Variants in CPNE4 observed in about 807,000 individuals in gnomAD.
CPNE4 encodes the protein copine-4.
In CPNE4, 25 loss-of-function variants were observed where a neutral mutation model predicts 67.9. The ratio of observed to expected loss-of-function variants is 0.37; its 90% CI spans 0.27 to 0.51. The LOEUF is 0.51. Among genes scored for constraint, CPNE4 ranks in the 20% least tolerant of loss-of-function variants. CPNE4 has a pLI of 0.93. For missense variants in CPNE4, 464 were observed against 690.8 expected (o/e 0.67, Z 3.68); for synonymous variants, 242 against 244.9 (o/e 0.99, Z 0.11).
At chr3:131,615,903 A>G (rs1385253951) in intron 7 of CPNE4, among the ~76,000 whole-genome samples, 1 of 98,474 alleles carries the variant, frequency 1.0e-5, no homozygotes, top group Admixed American at 8.7e-5. Context: ...ACACACACAC[A>G]CACACACACA....
chr3:131,834,757 T>G (rs2085493658), intron 2 of CPNE4, among the ~76,000 whole-genome samples: 1 of 151,898 alleles, frequency 6.6e-6, no homozygotes, highest in South Asian at 2.1e-4. Context: ...TTATGCAAAA[T>G]AATGAAAACA....
intron 7 of CPNE4, among the ~76,000 whole-genome samples, chr3:131,627,352 T>C (rs550733686): frequency 2.0e-5 from 3 of 152,170 alleles, no homozygotes; most frequent in African/African-American, 7.2e-5. Context: ...GTGAGACCCA[T>C]TGCTCAGAAG....
At chr3:131,829,027 G>A (rs544035214) in intron 2 of CPNE4, among the ~76,000 whole-genome samples, 80 of 152,276 alleles carry the variant, frequency 5.3e-4, no homozygotes, top group Admixed American at 3.1e-3. Flanking sequence ...CCGCACAATC[G>A]TGATGGAAGG....
At chr3:131,698,077 C>CA (rs929580165) in intron 4 of CPNE4, among the ~76,000 whole-genome samples, 14 of 150,270 alleles carry the variant, frequency 9.3e-5, no homozygotes, top group African/African-American at 2.2e-4. Context: ...TAAAAAAATA[C>CA]AAAAAAAATT....
At position 131,876,641 on chromosome 3, in the gene CPNE4, CA is replaced by C. The variant is rs61625119; in HGVS notation, c.180+28622del. ...TGGGCGACAGAGCAAGACTCCGTCT[CA>C]AAAAAAAAAAAAAAGAAAGAAAGAA... On this transcript the variant is annotated intron_variant, in intron 2 of 15. Transcript: ENST00000429747. Among the ~76,000 whole-genome samples, 276 of 101,602 alleles carry C rather than the reference CA, an allele frequency of 2.7e-3. 6 individuals are homozygous for C. The highest frequency in any genetic ancestry group is 8.1e-3 in the African/African-American group (193 of 23,802). 66.7% of individuals were successfully genotyped at this position (101,602 alleles called of 152,430 possible).
Position 131,564,162 on chromosome 3 carries a change from C to T in CPNE4, c.1061+54G>A, listed in dbSNP as rs200554751. ...TTTCTGCCCAGGATCAGCCAAAGACCGTCTGAACCCACATGAGAGATGATA... is the reference window on the plus strand; with the variant it reads ...TTTCTGCCCAGGATCAGCCAAAGACTGTCTGAACCCACATGAGAGATGATA... On this transcript the variant is annotated intron_variant, in intron 11 of 15. Transcript: ENST00000429747. 3.7e-4 allele frequency: 594 copies of T among 1,605,730 alleles called. 1 individual carries two copies. Among genetic ancestry groups the T allele is most frequent in the Non-Finnish European group, 4.7e-4 (550 of 1,173,100 alleles).
intron 9 of CPNE4, 34 bp downstream of exon 9, chr3:131,581,545 T>C (rs1582839187): frequency 1.4e-6 from 2 of 1,437,044 alleles, no homozygotes; most frequent in East Asian, 4.5e-5. Flanking sequence ...TAGCCCTAGC[T>C]TCATACTCCT....
In CPNE4 at chr3:131,757,341, T is replaced by C. The variant is rs563235208; in HGVS notation, c.181-33716A>G. Among the ~76,000 whole-genome samples, 3 of 152,304 alleles carry C rather than the reference T, an allele frequency of 2.0e-5. 1 individual carries two copies. The South Asian group carries it at 6.2e-4, about 32-fold the overall frequency. On this transcript the variant is annotated intron_variant, in intron 2 of 15. Transcript: ENST00000429747. ...TCTCAGATGGAGATGAGGAACTTGT[T>C]GGGAACTGGAACAAACGTGACTTTT... is the stretch of plus-strand genomic sequence containing the variant.
chr3:131,885,582 G>A (rs1190483718), intron 2 of CPNE4, among the ~76,000 whole-genome samples: 3 of 151,230 alleles, frequency 2.0e-5, no homozygotes, highest in Non-Finnish European at 2.9e-5. Context: ...GGGTACATGT[G>A]CACATTGTGC....
intron 7 of CPNE4, among the ~76,000 whole-genome samples, chr3:131,652,649 T>C (rs1394622954): frequency 1.3e-5 from 2 of 152,188 alleles, no homozygotes; most frequent in Non-Finnish European, 2.9e-5. Flanking sequence ...TATACTGTTA[T>C]TAGATTGGTG....
chr3:131,686,972 T>C (rs1052551803), intron 5 of CPNE4, among the ~76,000 whole-genome samples: 3 of 152,148 alleles, frequency 2.0e-5, no homozygotes, highest in East Asian at 3.8e-4. Flanking sequence ...TTAGTAGCTA[T>C]TTTTTTAAAC....
At chr3:131,930,137 G>C (rs995342190) in intron 1 of CPNE4, among the ~76,000 whole-genome samples, 39 of 152,284 alleles carry the variant, frequency 2.6e-4, no homozygotes, top group African/African-American at 8.2e-4. Context: ...AGAGGTAGTG[G>C]AAAGTGCCTT....
intron 2 of CPNE4, among the ~76,000 whole-genome samples, chr3:131,890,029 C>A (rs2088044561): frequency 6.6e-6 from 1 of 151,966 alleles, no homozygotes; most frequent in Admixed American, 6.6e-5. Context: ...TTGATTTGTG[C>A]AATGTTTTTT....
At chr3:131,727,205 T>C (rs1410482840) in intron 2 of CPNE4, among the ~76,000 whole-genome samples, 10 of 152,212 alleles carry the variant, frequency 6.6e-5, no homozygotes, top group Non-Finnish European at 5.9e-5. Flanking sequence ...CCTCAATTCA[T>C]GAGCATCCTT....
chr3:131,645,595 A>T lies in CPNE4; in HGVS notation c.681+24080T>A, dbSNP rs201701331. 4.6e-5 allele frequency among the ~76,000 whole-genome samples: 7 copies of T among 152,212 alleles called. No homozygotes were observed. In the East Asian group the frequency reaches 1.3e-3, roughly 29 times the overall value. Reference sequence around the variant, plus strand: ...ACTATAACCATATAAATTTTAAAAGATCCAAAGTTTCAAATACAGAGTTTT... The same window carrying T: ...ACTATAACCATATAAATTTTAAAAGTTCCAAAGTTTCAAATACAGAGTTTT... On this transcript the variant is annotated intron_variant, in intron 7 of 15. Coordinates refer to ENST00000429747, the MANE Select transcript of CPNE4 (RefSeq NM_130808.3).
intron 7 of CPNE4, among the ~76,000 whole-genome samples, chr3:131,635,817 C>T (rs1330250658): frequency 6.6e-6 from 1 of 151,006 alleles, no homozygotes; most frequent in East Asian, 1.9e-4. Context: ...AACTTTTGCT[C>T]CAAGAACTAC....
chr3:131,553,959 G>A (rs1231870633), intron 12 of CPNE4, among the ~76,000 whole-genome samples: 2 of 152,084 alleles, frequency 1.3e-5, no homozygotes, highest in African/African-American at 4.8e-5. Context: ...CAGGAAGGAT[G>A]GAGTTAGGGG....
At chr3:131,879,130 G>A (rs9289407) in intron 2 of CPNE4, among the ~76,000 whole-genome samples, 42,537 of 149,178 alleles carry the variant, frequency 0.29, 7,253 homozygotes, top group Non-Finnish European at 0.37. Context: ...GTGTGTGTGC[G>A]TGCTAGAAAG....
At chr3:131,833,973 A>G (rs1285432281) in intron 2 of CPNE4, among the ~76,000 whole-genome samples, 4 of 152,334 alleles carry the variant, frequency 2.6e-5, no homozygotes, top group Non-Finnish European at 1.5e-5. Context: ...TATAGCTATT[A>G]AAGTGGTTAG....
Sources: gnomAD v4.1 joint callset for allele counts (sites outside exome capture counted in the v4.1 genomes callset) on GRCh38, gnomAD v4.1.1 for gene constraint, MANE v1.5 for transcripts, NCBI Gene and HGNC (gene_info 2026-07-23, HGNC 2026-07-21) for gene names.